LMNB1: variants seen among roughly 807,000 people sequenced by gnomAD.
The protein encoded by LMNB1 is lamin-B1.
Under a neutral mutation model 67.1 loss-of-function variants are expected in LMNB1, and 23 were observed. The ratio of observed to expected loss-of-function variants is 0.34; its 90% confidence interval spans 0.25 to 0.49. The LOEUF is 0.49. Among genes scored for constraint, LMNB1 ranks in the 20% least tolerant of loss-of-function variants. The pLI is 0.99. For missense variants in LMNB1, 634 were observed against 746.5 expected (o/e 0.85, Z 1.76); for synonymous variants, 281 against 282.9 (o/e 0.99, Z 0.07).
intron 1 of LMNB1, among the ~76,000 whole-genome samples, chr5:126,790,103 CTTATT>C (rs2112932475): frequency 6.6e-6 from 1 of 152,208 alleles, no homozygotes; most frequent in African/African-American, 2.4e-5. Context: ...TGAGCCCGGC[CTTATT>C]TTATTTTATT....
chr5:126,826,205 T>C (rs1751996457), intron 9 of LMNB1, 98 bp downstream of exon 9: 4 of 1,370,138 alleles, frequency 2.9e-6, no homozygotes, highest in Non-Finnish European at 4.0e-6. Context: ...AATAACCGAT[T>C]GCATAAACAG....
At chr5:126,821,393 C>G (rs1020896687) in intron 7 of LMNB1, among the ~76,000 whole-genome samples, 2 of 152,066 alleles carry the variant, frequency 1.3e-5, no homozygotes, top group African/African-American at 4.8e-5. Flanking sequence ...AAGCATGTTC[C>G]TTTTATCACA....
In LMNB1 at chr5:126,788,905, G is replaced by GT. The variant is rs35987371; in HGVS notation, c.359+11050dup. Among the ~76,000 whole-genome samples, 193 of 143,864 alleles carry GT rather than the reference G, an allele frequency of 1.3e-3. 1 individual carries two copies. Among genetic ancestry groups the GT allele is most frequent in the South Asian group, 3.8e-3 (17 of 4,522 alleles). 94.4% of individuals were successfully genotyped at this position (143,864 alleles called of 152,430 possible). ...AGACAAGTTTTTTTTTGTTTTTTTT[G>GT]TTTTTTTTTTTTGAGACAAGGTCTT... On this transcript the variant is annotated intron_variant, in intron 1 of 10. Coordinates refer to ENST00000261366, the MANE Select transcript of LMNB1 (RefSeq NM_005573.4).
intron 1 of LMNB1, among the ~76,000 whole-genome samples, chr5:126,802,449 A>G (rs1264127527): frequency 3.9e-5 from 6 of 152,134 alleles, no homozygotes; most frequent in East Asian, 1.9e-4. Context: ...TTTTGATGTT[A>G]TTATTATTTT....
intron 1 of LMNB1, among the ~76,000 whole-genome samples, chr5:126,792,363 A>T (rs1750984149): frequency 6.6e-6 from 1 of 150,446 alleles, no homozygotes; most frequent in Admixed American, 6.6e-5. Context: ...GGCTCGTCTT[A>T]AACTCCTGAC....
At chr5:126,828,013 A>T (rs141573238) in intron 9 of LMNB1, among the ~76,000 whole-genome samples, 1 of 152,320 alleles carries the variant, frequency 6.6e-6, no homozygotes, top group African/African-American at 2.4e-5. Flanking sequence ...ACATAACAGG[A>T]ATTCAGGAAG....
intron 1 of LMNB1, among the ~76,000 whole-genome samples, chr5:126,803,333 C>T (rs1751335266): frequency 6.6e-6 from 1 of 151,744 alleles, no homozygotes; most frequent in Non-Finnish European, 1.5e-5. Context: ...GCAACCTCTG[C>T]CTCCTGGGTT....
intron 9 of LMNB1, among the ~76,000 whole-genome samples, chr5:126,830,298 A>G: frequency 6.6e-6 from 1 of 152,314 alleles, no homozygotes; most frequent in East Asian, 1.9e-4. Flanking sequence ...GGGCGGACCA[A>G]TGCTGCATTT....
Position 126,810,244 on chromosome 5 carries a change from T to C in LMNB1, c.707T>C (p.Ile236Thr). 2 of 1,613,928 alleles carry C rather than the reference T, an allele frequency of 1.2e-6. No individual in the cohort carries two copies. The highest frequency in any genetic ancestry group is 2.2e-5 in the East Asian group (1 of 44,876). ...RLVEVDSGRQ[I>T]EYEYKLAQAL... ...GTAGAGGTGGATTCTGGGCGTCAAA[T>C]TGAGTATGAGTACAAGCTGGCGCAA... Residue 236 changes from isoleucine to threonine, a missense_variant, in exon 4 of 11, where the codon ATT becomes ACT. Ile to Thr is a moderately conservative substitution (Grantham distance 89, BLOSUM62 -1). Coordinates refer to ENST00000261366, the MANE Select transcript of LMNB1 (RefSeq NM_005573.4).
chr5:126,778,040 G>C (rs1050790849), intron 1 of LMNB1, among the ~76,000 whole-genome samples, 173 bp downstream of exon 1: 19 of 152,336 alleles, frequency 1.2e-4, no homozygotes, highest in Admixed American at 1.2e-3. Flanking sequence ...AGTTCATAGC[G>C]GAGCAGGGGT....
At chr5:126,798,405 G>A (rs1023726193) in intron 1 of LMNB1, among the ~76,000 whole-genome samples, 12 of 152,112 alleles carry the variant, frequency 7.9e-5, no homozygotes, top group Non-Finnish European at 1.5e-4. Flanking sequence ...AGCCGAGATC[G>A]CGCTACTGCA....
chr5:126,803,014 A>G (rs999292810), intron 1 of LMNB1, among the ~76,000 whole-genome samples: 13 of 151,520 alleles, frequency 8.6e-5, no homozygotes, highest in Admixed American at 2.0e-4. Context: ...GGCAAACCCT[A>G]TCTCTACTAC....
intron 5 of LMNB1, chr5:126,815,217 A>G (rs971216645): frequency 2.0e-5 from 3 of 152,230 alleles, no homozygotes; most frequent in South Asian, 2.1e-4. Flanking sequence ...CTATTAGGCC[A>G]TAAGAATTTC....
At chr5:126,825,170 A>G (rs1022785205) in intron 8 of LMNB1, among the ~76,000 whole-genome samples, 1 of 152,114 alleles carries the variant, frequency 6.6e-6, no homozygotes, top group African/African-American at 2.4e-5. Flanking sequence ...AGTTTCCTAG[A>G]GGTGTAGTGA....
chr5:126,783,449 A>G (rs2112920910), intron 1 of LMNB1, among the ~76,000 whole-genome samples: 1 of 152,200 alleles, frequency 6.6e-6, no homozygotes, highest in Non-Finnish European at 1.5e-5. Context: ...CTTTTATAAC[A>G]GAGTTATGTT....
At chr5:126,805,420 G>A in intron 2 of LMNB1, 151 bp from the exon 3 acceptor site, 2 of 604,686 alleles carry the variant, frequency 3.3e-6, no homozygotes, top group Non-Finnish European at 2.8e-6. Flanking sequence ...TGAATACCCA[G>A]TTCTGTGATA....
rs1182110466 is a variant in LMNB1, at chr5:126,825,974, T to G, written c.1492-14T>G. On this transcript the variant is annotated splice_polypyrimidine_tract_variant and intron_variant, in intron 8 of 10. Transcript: ENST00000261366. The stretch of plus-strand genomic sequence containing the variant: ...TGGGTTCTGGGTGTACTGACATGCT[T>G]TGGTTTTTTACAGATTTGGGCTGCA... 2 of 1,613,414 alleles carry G rather than the reference T, an allele frequency of 1.2e-6. No individual in the cohort carries two copies. Among genetic ancestry groups the G allele is most frequent in the Non-Finnish European group, 1.7e-6 (2 of 1,179,792 alleles).
chr5:126,796,786 C>CTTT (rs34534973), intron 1 of LMNB1, among the ~76,000 whole-genome samples: 11 of 118,746 alleles, frequency 9.3e-5, no homozygotes, highest in African/African-American at 1.2e-4. Flanking sequence ...TTTTTTCTTT[C>CTTT]TTTTTTTTTT....
intron 1 of LMNB1, among the ~76,000 whole-genome samples, chr5:126,794,025 C>G (rs1266073068): frequency 2.0e-5 from 3 of 151,954 alleles, no homozygotes; most frequent in Non-Finnish European, 4.4e-5. Context: ...ACCTCCATCT[C>G]CTGGGTTCAA....
Sources: allele counts gnomAD v4.1 joint callset (sites outside exome capture counted in the v4.1 genomes callset), GRCh38; gene constraint gnomAD v4.1.1; transcripts MANE v1.5; gene names NCBI Gene and HGNC (gene_info 2026-07-23, HGNC 2026-07-21).